The following PCDHGA3 variants were observed in gnomAD, a reference collection of about 807,000 sequenced individuals.
The protein encoded by PCDHGA3 is protocadherin gamma subfamily A, 3.
Under a neutral mutation model 58.5 loss-of-function variants are expected in PCDHGA3, and 40 were observed. The observed-to-expected ratio is 0.68, with a 90% CI of 0.53 to 0.89. PCDHGA3 has a LOEUF of 0.89. Among genes scored for constraint, PCDHGA3 ranks in the 40% least tolerant of loss-of-function variants. The probability of loss-of-function intolerance (pLI) is 0.00; values close to 1 mark genes in which losing one functional copy is unlikely to be tolerated. For synonymous variants in PCDHGA3, 530 were observed against 525.7 expected, an observed-to-expected ratio of 1.01 and a Z score of -0.11; for missense variants, 1,223 against 1,195.9, an observed-to-expected ratio of 1.02 and a Z score of -0.33.
intron 1 of PCDHGA3, among the ~76,000 whole-genome samples, chr5:141,481,692 G>T (rs1231630072): frequency 6.6e-6 from 1 of 152,020 alleles, no homozygotes; most frequent in African/African-American, 2.4e-5. Context: ...GGTGGCTCAC[G>T]CCTGTAATCC....
intron 2 of PCDHGA3, among the ~76,000 whole-genome samples, chr5:141,499,689 CTT>C (rs545067566): frequency 7.5e-5 from 9 of 119,852 alleles, no homozygotes; most frequent in African/African-American, 9.3e-5. Flanking sequence ...TAACAGATGA[CTT>C]TTTTTTTTTT....
At chr5:141,361,254 C>CA in intron 1 of PCDHGA3, 1 of 1,613,964 alleles carries the variant, frequency 6.2e-7, no homozygotes, top group Non-Finnish European at 8.5e-7. Context: ...AAACGAGAGA[C>CA]AGAGACTCTG....
chr5:141,441,884 C>A (rs2098281796), intron 1 of PCDHGA3: 10 of 343,702 alleles, frequency 2.9e-5, no homozygotes, highest in South Asian at 2.6e-4. Context: ...TACCTGGTCA[C>A]CAAGGTGGTG....
At chr5:141,355,694 A>G in intron 1 of PCDHGA3, 2 of 1,613,824 alleles carry the variant, frequency 1.2e-6, no homozygotes, top group Non-Finnish European at 1.7e-6. Context: ...GTAGGTGTAA[A>G]CTCCCTGCAG....
At chr5:141,418,955 G>C in intron 1 of PCDHGA3, 4 of 1,614,050 alleles carry the variant, frequency 2.5e-6, no homozygotes, top group Non-Finnish European at 3.4e-6. Flanking sequence ...AGGAGTGGTT[G>C]TTGCCCTCTT....
chr5:141,512,917 T>C lies in PCDHGA3; in HGVS notation c.*1744T>C, dbSNP rs543880225. On this transcript the variant is annotated 3_prime_UTR_variant, in exon 4 of 4. Transcript: ENST00000253812. ...TGTGTCTCACGCAAGTTTTATACTCTAATATTTATATGGCTTTTTTTCTTC... is the reference window on the plus strand; with the variant it reads ...TGTGTCTCACGCAAGTTTTATACTCCAATATTTATATGGCTTTTTTTCTTC... The C allele has an allele frequency of 1.3e-5, 2 of 152,378 alleles. No individual in the cohort carries two copies. Among genetic ancestry groups the C allele is most frequent in the African/African-American group, 2.4e-5 (1 of 41,588 alleles). The allele number at this position is 152,378 out of a possible 1,614,324, so 9.4% of individuals were successfully genotyped here.
In PCDHGA3 at chr5:141,376,683, T is replaced by TTTTTTTTTG. The variant is rs1773156952; in HGVS notation, c.2424+30234_2424+30235insGTTTTTTTT. 4 of 803,912 alleles carry TTTTTTTTTG rather than the reference T, an allele frequency of 5.0e-6. 1 individual carries two copies. The highest frequency in any genetic ancestry group is 3.9e-5 in the African/African-American group (2 of 51,902). 49.8% of individuals were successfully genotyped at this position (803,912 alleles called of 1,614,324 possible). A position where few individuals can be genotyped will look rare whatever the true frequency, so the allele number is the denominator to read the frequency against. On this transcript the variant is annotated intron_variant, in intron 1 of 3. Coordinates refer to ENST00000253812, the MANE Select transcript of PCDHGA3 (RefSeq NM_018916.4). ...TGTTCAGGTGAGGGTATCGTTTTTT[T>TTTTTTTTTG]TTTTTTTTTTTTTTGAGACGGAGTC...
intron 1 of PCDHGA3, chr5:141,371,027 C>A: frequency 6.2e-7 from 1 of 1,613,992 alleles, no homozygotes; most frequent in South Asian, 1.1e-5. Context: ...ACCACCTGGT[C>A]CTCACAGCTG....
In PCDHGA3 at chr5:141,491,419, G is replaced by A. The variant is rs1422517367; in HGVS notation, c.2425-3388G>A. On this transcript the variant is annotated intron_variant, in intron 1 of 3. Coordinates refer to ENST00000253812, the MANE Select transcript of PCDHGA3 (RefSeq NM_018916.4). This position sits in a 1 kb window ranked among gnomAD's most constrained non-coding sequence, Gnocchi z 6.9. ...GGGAAACGCAGACGGGGACGGGGGT[G>A]GAGGGCAGTGCTGCAGGCGCCAGGA... 1 of 1,614,124 alleles carries A rather than the reference G, an allele frequency of 6.2e-7. No individual in the cohort carries two copies.
intron 1 of PCDHGA3, among the ~76,000 whole-genome samples, chr5:141,437,716 C>T (rs575174227): frequency 1.2e-4 from 18 of 151,782 alleles, no homozygotes; most frequent in Admixed American, 1.0e-3. Flanking sequence ...CACAGTTACC[C>T]TCTAATGTTA....
At chr5:141,480,653 T>C (rs1214823403) in intron 1 of PCDHGA3, among the ~76,000 whole-genome samples, 2 of 152,190 alleles carry the variant, frequency 1.3e-5, no homozygotes, top group Admixed American at 1.3e-4. Context: ...TGGTTGCACA[T>C]TAAAATCACC....
At chr5:141,508,124 G>C (rs1248096612) in intron 3 of PCDHGA3, 1 of 152,640 alleles carries the variant, frequency 6.6e-6, no homozygotes, top group Non-Finnish European at 1.5e-5. Flanking sequence ...AGGACAGAGG[G>C]AGGTCAGGGA....
intron 1 of PCDHGA3, among the ~76,000 whole-genome samples, chr5:141,381,798 C>CTCTTCCTTTCTT (rs1777449069): frequency 6.9e-6 from 1 of 144,134 alleles, no homozygotes; most frequent in African/African-American, 2.7e-5. Flanking sequence ...AGGCAATTCC[C>CTCTTCCTTTCTT]TCTTTCTTTC....
intron 1 of PCDHGA3, chr5:141,411,432 AC>A (rs1483186233): frequency 6.6e-6 from 1 of 151,012 alleles, no homozygotes; most frequent in African/African-American, 2.4e-5. Context: ...ACAAAAAAAA[AC>A]ATTAGCAGAG....
rs776335336 is a variant in PCDHGA3 at position 141,403,470 on chromosome 5, G to A, written c.2424+57013G>A. The A allele has an allele frequency of 3.7e-5, 59 of 1,613,910 alleles. No homozygotes were observed. Among genetic ancestry groups the A allele is most frequent in the Non-Finnish European group, 4.8e-5 (57 of 1,179,918 alleles). ...AACTCCCTCCAGAGCTACCAGCTCAGCCCCAATCACCACTTCTCCCTGAAC... is the reference window on the plus strand; with the variant it reads ...AACTCCCTCCAGAGCTACCAGCTCAACCCCAATCACCACTTCTCCCTGAAC... On this transcript the variant is annotated intron_variant, in intron 1 of 3. Coordinates refer to ENST00000253812, the MANE Select transcript of PCDHGA3 (RefSeq NM_018916.4).
At chr5:141,385,779 A>G (rs956234823) in intron 1 of PCDHGA3, 3 of 161,336 alleles carry the variant, frequency 1.9e-5, no homozygotes, top group Admixed American at 1.8e-4. Context: ...GCCTCCATGT[A>G]CCTCAGCTTG....
At chr5:141,385,539 T>C in intron 1 of PCDHGA3, 1 of 1,340,130 alleles carries the variant, frequency 7.5e-7, no homozygotes, top group East Asian at 2.8e-5. Flanking sequence ...TATGAATATG[T>C]GGACTATCAC....
intron 1 of PCDHGA3, among the ~76,000 whole-genome samples, chr5:141,396,897 T>C (rs1337739986): frequency 1.3e-5 from 2 of 152,220 alleles, no homozygotes; most frequent in African/African-American, 4.8e-5. Flanking sequence ...CAACATATTA[T>C]TGGCACTTTG....
chr5:141,345,645 G>A lies in PCDHGA3; in HGVS notation c.1612G>A (p.Gly538Arg), dbSNP rs1588463209. 6.2e-7 allele frequency: 1 copy of A among 1,614,188 alleles called. No homozygotes were observed. Among genetic ancestry groups the A allele is most frequent in the South Asian group, 1.1e-5 (1 of 91,076 alleles). The change falls in exon 1 of 4, where the codon GGG (glycine) becomes AGG (arginine). Residue 538 changes from glycine to arginine, a missense_variant. Transcript: ENST00000253812. ...LKLLVTASDS[G>R]NPPLSSNVSL... Reference sequence around the variant, plus strand: ...GCTACTGGTGACAGCCAGCGACAGCGGGAACCCTCCACTCAGCAGCAACGT... The same window carrying A: ...GCTACTGGTGACAGCCAGCGACAGCAGGAACCCTCCACTCAGCAGCAACGT...
Sources: allele counts gnomAD v4.1 joint callset (sites outside exome capture counted in the v4.1 genomes callset), GRCh38; gene constraint gnomAD v4.1.1; non-coding constraint Gnocchi (gnomAD v3.1); transcripts MANE v1.5; gene names NCBI Gene and HGNC (gene_info 2026-07-23, HGNC 2026-07-21).